Variants in VPS8 observed in about 807,000 individuals in gnomAD.
VPS8 encodes the protein VPS8 subunit of CORVET complex.
In VPS8, 129 loss-of-function variants were observed where a neutral mutation model predicts 216.4. That is an observed-to-expected ratio of 0.60 (90% CI 0.52 to 0.69). The LOEUF (loss-of-function observed/expected upper bound fraction) is 0.69. VPS8 is among the 30% of genes least tolerant of loss of function. The probability of loss-of-function intolerance (pLI) is 0.00; values close to 1 mark genes in which losing one functional copy is unlikely to be tolerated. For synonymous variants in VPS8, 571 were observed against 565.4 expected, an observed-to-expected ratio of 1.01 and a Z score of -0.14; for missense variants, 1,531 against 1,683.5, an observed-to-expected ratio of 0.91 and a Z score of 1.59.
At chr3:185,023,210 G>A (rs1160002298) in intron 45 of VPS8, among the ~76,000 whole-genome samples, 1 of 150,094 alleles carries the variant, frequency 6.7e-6, no homozygotes, top group Non-Finnish European at 1.5e-5. Flanking sequence ...TTAGATTAAT[G>A]AAACTATAAA....
At chr3:184,831,005 A>C (rs760696315) in intron 3 of VPS8, among the ~76,000 whole-genome samples, 62 of 152,218 alleles carry the variant, frequency 4.1e-4, no homozygotes, top group Non-Finnish European at 7.6e-4. Flanking sequence ...AAGTCCATGA[A>C]GTAGGAAGAG....
chr3:185,015,612 G>T (rs894373473), intron 45 of VPS8, among the ~76,000 whole-genome samples: 3 of 152,182 alleles, frequency 2.0e-5, no homozygotes, highest in Non-Finnish European at 4.4e-5. Context: ...TGGTTTAAAT[G>T]TAGTTATTTT....
chr3:184,839,913 C>T, intron 7 of VPS8, 161 bp downstream of exon 7: 1 of 1,399,316 alleles, frequency 7.1e-7, no homozygotes, highest in East Asian at 2.7e-5. Context: ...AAATTATTTG[C>T]CTCACAGCTT....
intron 36 of VPS8, among the ~76,000 whole-genome samples, chr3:184,940,457 C>T (rs1025750011): frequency 6.6e-6 from 1 of 152,026 alleles, no homozygotes; most frequent in African/African-American, 2.4e-5. Flanking sequence ...TCCATTTGAA[C>T]ATGAGCATAT....
chr3:184,886,009 T>G lies in VPS8; in HGVS notation c.1735-101T>G. 3 of 1,290,706 alleles carry G rather than the reference T, an allele frequency of 2.3e-6. No individual in the cohort carries two copies. In the South Asian group the frequency reaches 4.2e-5, roughly 18 times the overall value. 80.0% of individuals were successfully genotyped at this position (1,290,706 alleles called of 1,614,324 possible). ...ACCAAAAGCATGATATGAAGTTATA[T>G]CCTCCTAACAATCTAAAAGCATCTT... On this transcript the variant is annotated intron_variant, in intron 21 of 47. Transcript: ENST00000625842.
chr3:184,929,903 A>G (rs949381321), intron 33 of VPS8, among the ~76,000 whole-genome samples: 1 of 152,198 alleles, frequency 6.6e-6, no homozygotes, highest in African/African-American at 2.4e-5. Context: ...ACCGAGTGCT[A>G]CTTTAGAGGA....
chr3:185,017,048 C>T (rs1050204312), intron 45 of VPS8, among the ~76,000 whole-genome samples: 3 of 151,968 alleles, frequency 2.0e-5, no homozygotes, highest in African/African-American at 4.8e-5. Context: ...TTTCATGCAT[C>T]ATATGTTGCC....
rs1279069758 is a variant in VPS8, at chr3:185,015,395, A to C, written c.4003-8941A>C. Among the ~76,000 whole-genome samples the C allele has an allele frequency of 2.0e-5, 3 of 152,382 alleles. No homozygotes were observed. The East Asian group carries it at 5.8e-4, about 29-fold the overall frequency. On this transcript the variant is annotated intron_variant, in intron 45 of 47. Coordinates refer to ENST00000625842, the MANE Select transcript of VPS8 (RefSeq NM_001009921.3). ...TATGAAATCGTAACTGAGCATTTTCAATTAACTGTGTGGAATGAACCACGT... is the reference window on the plus strand; with the variant it reads ...TATGAAATCGTAACTGAGCATTTTCCATTAACTGTGTGGAATGAACCACGT...
At chr3:185,019,758 G>A (rs1222036548) in intron 45 of VPS8, among the ~76,000 whole-genome samples, 7 of 152,190 alleles carry the variant, frequency 4.6e-5, no homozygotes, top group Non-Finnish European at 1.0e-4. Flanking sequence ...TTTGTTTATG[G>A]CCAATTTTGG....
intron 40 of VPS8, among the ~76,000 whole-genome samples, chr3:184,973,414 A>G (rs760121396): frequency 6.6e-6 from 1 of 152,020 alleles, no homozygotes; most frequent in Non-Finnish European, 1.5e-5. Context: ...AAACTAAAGA[A>G]TGTTCTTAAT....
chr3:184,926,436 C>T (rs1739663573), intron 30 of VPS8, among the ~76,000 whole-genome samples, 158 bp from the exon 31 acceptor site: 2 of 151,636 alleles, frequency 1.3e-5, no homozygotes, highest in Non-Finnish European at 2.9e-5. Context: ...GTTACATGTA[C>T]TGGGTTAATC....
At chr3:184,964,799 T>G (rs1747113974) in intron 38 of VPS8, among the ~76,000 whole-genome samples, 1 of 152,196 alleles carries the variant, frequency 6.6e-6, no homozygotes. Flanking sequence ...TTGACAAGTA[T>G]TTTTATATAT....
chr3:184,835,947 G>A (rs1268556240), intron 5 of VPS8, among the ~76,000 whole-genome samples: 1 of 152,012 alleles, frequency 6.6e-6, no homozygotes, highest in Non-Finnish European at 1.5e-5. Context: ...CTGACCTTGT[G>A]ATCCGCCCGC....
chr3:184,961,719 G>A (rs1450859137), intron 37 of VPS8, among the ~76,000 whole-genome samples: 11 of 11,336 alleles, frequency 9.7e-4, no homozygotes, highest in Non-Finnish European at 1.9e-3. Flanking sequence ...ATTATAAGTT[G>A]CCTTTTTTTT....
chr3:184,869,490 G>C lies in VPS8; in HGVS notation c.1606G>C (p.Gly536Arg). ...GKAKAVVGLS[G>R]DASKRKAIVA... ...ATTTTCCTTCTCTGCAGGATTATCA[G>C]GGGATGCCAGTAAGCGAAAGGCTAT... Residue 536 changes from glycine (G) to arginine (R), a missense_variant, in exon 20 of 48, where the codon GGG becomes CGG. Coordinates refer to ENST00000625842, the MANE Select transcript of VPS8 (RefSeq NM_001009921.3). The C allele has an allele frequency of 6.2e-7, 1 of 1,613,442 alleles. No individual in the cohort carries two copies.
chr3:184,944,582 G>C (rs1576931903), intron 36 of VPS8: 1 of 985,326 alleles, frequency 1.0e-6, no homozygotes, highest in Non-Finnish European at 1.2e-6. Context: ...AAGGAGTAAA[G>C]AGAATGTGCA....
chr3:185,021,644 G>A (rs993705250), intron 45 of VPS8, among the ~76,000 whole-genome samples: 11 of 152,198 alleles, frequency 7.2e-5, no homozygotes, highest in Non-Finnish European at 1.5e-4. Context: ...AGACTGTCAA[G>A]TCTAATTTTT....
rs1733096009 is a variant in VPS8 at position 184,894,863 on chromosome 3, T to G, written c.1942T>G (p.Leu648Val). The change falls in exon 23 of 48, where the codon TTA (leucine) becomes GTA (valine). Residue 648 changes from leucine to valine, a missense_variant. Leu to Val is a conservative substitution (Grantham distance 32). Transcript: ENST00000625842. ...DLIVHFQDKK[L>V]MENVEALIVH... The stretch of plus-strand genomic sequence containing the variant: ...GATTGTTCATTTCCAAGATAAAAAA[T>G]TAATGGAAAATGTGGAAGCGCTCAT... 1 of 1,610,224 alleles carries G rather than the reference T, an allele frequency of 6.2e-7. No homozygotes were observed. Among genetic ancestry groups the G allele is most frequent in the Admixed American group, 1.7e-5 (1 of 59,646 alleles).
intron 46 of VPS8, among the ~76,000 whole-genome samples, chr3:185,031,076 T>TG (rs1758083903): frequency 8.1e-6 from 1 of 123,812 alleles, no homozygotes; most frequent in Non-Finnish European, 1.8e-5. Flanking sequence ...TTTTTTTTTT[T>TG]TTTTTTTTTT....
Sources: allele counts gnomAD v4.1 joint callset (sites outside exome capture counted in the v4.1 genomes callset), GRCh38; gene constraint gnomAD v4.1.1; transcripts MANE v1.5; gene names NCBI Gene and HGNC (gene_info 2026-07-23, HGNC 2026-07-21).